ABCA5: variants seen among roughly 807,000 people sequenced by gnomAD.
ABCA5 encodes the protein ATP binding cassette subfamily A member 5.
Under a neutral mutation model 206.0 loss-of-function variants are expected in ABCA5, and 163 were observed. The ratio of observed to expected loss-of-function variants is 0.79; its 90% CI spans 0.70 to 0.90. The LOEUF (loss-of-function observed/expected upper bound fraction) is 0.90, where lower values mean the gene tolerates loss of function less well. ABCA5 is among the 40% of genes least tolerant of loss of function. The pLI, the probability that ABCA5 is intolerant of heterozygous loss-of-function variation, is 0.00. For missense variants in ABCA5, 1,859 were observed against 1,912.9 expected (o/e 0.97, Z 0.53); for synonymous variants, 609 against 613.8 (o/e 0.99, Z 0.11).
chr17:69,305,578 C>A (rs978739709), intron 6 of ABCA5, among the ~76,000 whole-genome samples: 1 of 152,158 alleles, frequency 6.6e-6, no homozygotes, highest in African/African-American at 2.4e-5. Context: ...ATTTTAAAAA[C>A]CAATCCTTTG....
intron 8 of ABCA5, among the ~76,000 whole-genome samples, chr17:69,301,603 T>C (rs1299134317): frequency 1.3e-5 from 2 of 152,076 alleles, no homozygotes; most frequent in African/African-American, 4.8e-5. Context: ...AACTGCAATA[T>C]TAATAATAAC....
intron 28 of ABCA5, among the ~76,000 whole-genome samples, 189 bp downstream of exon 28, chr17:69,259,515 CAG>C (rs2075121816): frequency 6.6e-6 from 1 of 151,886 alleles, no homozygotes; most frequent in South Asian, 2.1e-4. Context: ...GCAAATCTGA[CAG>C]AAACAGAAAG....
Position 69,291,227 on chromosome 17 carries a change from G to T in ABCA5, c.1595C>A (p.Pro532Gln). Residue 532 changes from proline (P) to glutamine (Q), a missense_variant, in exon 12 of 39, where the codon CCA becomes CAA. Transcript: ENST00000392676. ...TLMNILCGLC[P>Q]PSDGFASIYG... is the part of the protein sequence containing the mutation. ...GACAGAAAACTCACCATCAGAAGGT[G>T]GGCAGAGTCCACAAAGAATATTCAT... 6.3e-7 allele frequency: 1 copy of T among 1,591,496 alleles called. No individual in the cohort carries two copies. Among genetic ancestry groups the T allele is most frequent in the South Asian group, 1.2e-5 (1 of 86,568 alleles).
In ABCA5 at chr17:69,245,898, T is replaced by C. The variant is rs887535290; in HGVS notation, c.*1639A>G. Reference sequence around the variant, plus strand: ...GATGGTCAGGTTCTAAAAAAAACTATGCTTTTTCGTGACTGCCTTAGTAAA... The same window carrying C: ...GATGGTCAGGTTCTAAAAAAAACTACGCTTTTTCGTGACTGCCTTAGTAAA... On this transcript the variant is annotated 3_prime_UTR_variant, in exon 39 of 39. Transcript: ENST00000392676. 1.6e-4 allele frequency: 25 copies of C among 152,006 alleles called. No individual in the cohort carries two copies. Among genetic ancestry groups the C allele is most frequent in the African/African-American group, 6.0e-4 (25 of 41,448 alleles). 9.4% of individuals were successfully genotyped at this position (152,006 alleles called of 1,614,324 possible). A position where few individuals can be genotyped will look rare whatever the true frequency, so the allele number is the denominator to read the frequency against.
chr17:69,314,301 T>G lies in ABCA5; in HGVS notation c.102+13A>C, dbSNP rs757438486. ...AACTGCAAAAAAGCATAAGAAAGAGTTATTTAACTTACCTGAACACTACTC... is the reference window on the plus strand; with the variant it reads ...AACTGCAAAAAAGCATAAGAAAGAGGTATTTAACTTACCTGAACACTACTC... On this transcript the variant is annotated intron_variant, in intron 2 of 38. Coordinates refer to ENST00000392676, the MANE Select transcript of ABCA5 (RefSeq NM_172232.4). 1 of 1,552,876 alleles carries G rather than the reference T, an allele frequency of 6.4e-7. No homozygotes were observed. The highest frequency in any genetic ancestry group is 8.8e-7 in the Non-Finnish European group (1 of 1,130,718).
intron 1 of ABCA5, among the ~76,000 whole-genome samples, chr17:69,316,069 T>C (rs1304656303): frequency 1.3e-5 from 2 of 152,050 alleles, no homozygotes; most frequent in Non-Finnish European, 2.9e-5. Context: ...ATAAAACTCA[T>C]GGAGTGGCTC....
Position 69,246,619 on chromosome 17 carries a change from A to T in ABCA5, c.*918T>A, listed in dbSNP as rs1056697307. 1 of 151,984 alleles carries T rather than the reference A, an allele frequency of 6.6e-6. No individual in the cohort carries two copies. Among genetic ancestry groups the T allele is most frequent in the Non-Finnish European group, 1.5e-5 (1 of 67,826 alleles). 9.4% of individuals were successfully genotyped at this position (151,984 alleles called of 1,614,324 possible). A position where few individuals can be genotyped will look rare whatever the true frequency, so the allele number is the denominator to read the frequency against. The stretch of plus-strand genomic sequence containing the variant: ...TGATCTACTTACAATTTTATAGAAG[A>T]GATTCACTAAAGTTTACCAATAAAA... On this transcript the variant is annotated 3_prime_UTR_variant, in exon 39 of 39. Transcript: ENST00000392676.
In ABCA5 at chr17:69,259,690, T is replaced by TA. The variant is rs758672649; in HGVS notation, c.3731+15dup. 9 of 1,537,532 alleles carry TA rather than the reference T, an allele frequency of 5.9e-6. No individual in the cohort carries two copies. In the South Asian group the frequency reaches 8.0e-5, roughly 14 times the overall value. The stretch of plus-strand genomic sequence containing the variant: ...ATATACTAAAAACATTTAAAATTTT[T>TA]AAAAAATCAACTGACCTGAAAAAGG... On this transcript the variant is annotated intron_variant, in intron 28 of 38. Transcript: ENST00000392676.
chr17:69,309,254 C>T lies in ABCA5; in HGVS notation c.469+8G>A, dbSNP rs755916668. On this transcript the variant is annotated splice_region_variant and intron_variant, in intron 4 of 38. Coordinates refer to ENST00000392676, the MANE Select transcript of ABCA5 (RefSeq NM_172232.4). Reference sequence around the variant, plus strand: ...ATTGATCTTCAATGATTATGTAGGGCTATTTACCTCTTGAATCCATATAAA... The same window carrying T: ...ATTGATCTTCAATGATTATGTAGGGTTATTTACCTCTTGAATCCATATAAA... 1 of 1,547,916 alleles carries T rather than the reference C, an allele frequency of 6.5e-7. No homozygotes were observed. The highest frequency in any genetic ancestry group is 8.7e-7 in the Non-Finnish European group (1 of 1,153,580).
chr17:69,252,323 T>C (rs1001356177), intron 34 of ABCA5, among the ~76,000 whole-genome samples: 1 of 152,096 alleles, frequency 6.6e-6, no homozygotes, highest in African/African-American at 2.4e-5. Flanking sequence ...ATGACTTTTA[T>C]ATTCTAATTT....
chr17:69,314,397 C>A lies in ABCA5; in HGVS notation c.19G>T (p.Glu7Ter), dbSNP rs753819993. The A allele has an allele frequency of 6.2e-7, 1 of 1,612,392 alleles. No individual in the cohort carries two copies. Among genetic ancestry groups the A allele is most frequent in the Non-Finnish European group, 8.5e-7 (1 of 1,178,816 alleles). The change falls in exon 2 of 39, where the codon GAG becomes TAG. Residue 7 changes from glutamate to a stop codon, truncating the protein, a stop_gained. Transcript: ENST00000392676. LOFTEE classifies it high-confidence loss of function. MSTAIR[E>*]VGVWRQTRTL... is the part of the protein sequence containing the mutation. Reference sequence around the variant, plus strand: ...CTGGTCTGTCTCCAAACTCCTACCTCCCTAATTGCAGTGGACATGTTTTCT... The same window carrying A: ...CTGGTCTGTCTCCAAACTCCTACCTACCTAATTGCAGTGGACATGTTTTCT...
chr17:69,253,672 A>C lies in ABCA5; in HGVS notation c.4321-5T>G. On this transcript the variant is annotated splice_region_variant and splice_polypyrimidine_tract_variant and intron_variant, in intron 33 of 38. Transcript: ENST00000392676. ...CATACTTAGAGCAAAACACAACTACATGGAAAGAAAAAGATGGGTGGGAAA... is the reference window on the plus strand; with the variant it reads ...CATACTTAGAGCAAAACACAACTACCTGGAAAGAAAAAGATGGGTGGGAAA... 6.2e-7 allele frequency: 1 copy of C among 1,611,716 alleles called. No homozygotes were observed. Among genetic ancestry groups the C allele is most frequent in the Admixed American group, 1.7e-5 (1 of 60,002 alleles).
intron 21 of ABCA5, 112 bp from the exon 22 acceptor site, chr17:69,270,862 TCAA>T (rs1305985863): frequency 1.0e-6 from 1 of 992,252 alleles, no homozygotes; most frequent in Non-Finnish European, 1.4e-6. Context: ...AAAAACTGCT[TCAA>T]CAACTCACAG....
chr17:69,261,253 A>G lies in ABCA5; in HGVS notation c.3436T>C (p.Leu1146=), dbSNP rs1475415159. The G allele has an allele frequency of 1.3e-6, 2 of 1,589,250 alleles. No individual in the cohort carries two copies. Among genetic ancestry groups the G allele is most frequent in the Admixed American group, 3.6e-5 (2 of 55,380 alleles). Residue 1146 remains leucine, a synonymous_variant, in exon 26 of 39, where the codon TTG becomes CTG. Coordinates refer to ENST00000392676, the MANE Select transcript of ABCA5 (RefSeq NM_172232.4). ...FWSFIYSVAA[L]ACIAITEITF... ...ATTTCAGTGATTGCAATACAAGCCA[A>G]CGCTGCCTAAAGAAAAAAATAAATA...
In ABCA5 at chr17:69,274,839, C is replaced by CTTTTTTTTTTTTTTTTT. The variant is rs3052556; in HGVS notation, c.2595-728_2595-712dup. Among the ~76,000 whole-genome samples the CTTTTTTTTTTTTTTTTT allele has an allele frequency of 3.1e-4, 27 of 85,750 alleles. 3 individuals carry two copies. Among genetic ancestry groups the CTTTTTTTTTTTTTTTTT allele is most frequent in the African/African-American group, 7.0e-4 (16 of 22,740 alleles). The allele number at this position is 85,750 out of a possible 152,430, so 56.3% of individuals were successfully genotyped here. On this transcript the variant is annotated intron_variant, in intron 19 of 38. Coordinates refer to ENST00000392676, the MANE Select transcript of ABCA5 (RefSeq NM_172232.4). ...GTCCTGTCTCTATCTTAACCATTTA[C>CTTTTTTTTTTTTTTTTT]TTTTTTTTTTTTTTTTTTTTTTGAG...
In ABCA5 at chr17:69,261,785, T is replaced by C. The variant is rs368948610; in HGVS notation, c.3316-37A>G. On this transcript the variant is annotated intron_variant, in intron 24 of 38. Coordinates refer to ENST00000392676, the MANE Select transcript of ABCA5 (RefSeq NM_172232.4). ...AAATATGTTTCTATAAAAATATGAA[T>C]AGCTTGCAATACACATGACATGAAA... 8.4e-6 allele frequency: 7 copies of C among 830,836 alleles called. No individual in the cohort carries two copies. In the African/African-American group the frequency reaches 1.1e-4, roughly 13 times the overall value. 51.5% of individuals were successfully genotyped at this position (830,836 alleles called of 1,614,324 possible).
intron 11 of ABCA5, among the ~76,000 whole-genome samples, chr17:69,293,890 G>GTT (rs2075557592): frequency 7.1e-6 from 1 of 140,704 alleles, no homozygotes; most frequent in African/African-American, 2.5e-5. Context: ...GTGTGTTTGT[G>GTT]TGTGTGTGTA....
At position 69,326,252 on chromosome 17, in the gene ABCA5, T is replaced by C. The variant is rs549076809; in HGVS notation, c.-16+800A>G. 8.1e-4 allele frequency among the ~76,000 whole-genome samples: 124 copies of C among 152,322 alleles called. No individual in the cohort carries two copies. The highest frequency in any genetic ancestry group is 2.9e-3 in the African/African-American group (121 of 41,586). On this transcript the variant is annotated intron_variant, in intron 1 of 38. Transcript: ENST00000392676. The surrounding 1 kb of genome is among the most constrained non-coding windows in gnomAD (Gnocchi z 4.8). ...TTGCTGTCAGAATGAAAAGAGCTAA[T>C]ACCGAGCCTGGCTTAAAGCTGTAGT...
In ABCA5 at chr17:69,285,995, T is replaced by C. The variant is rs2075447528; in HGVS notation, c.2175A>G (p.Ser725=). The change falls in exon 17 of 39, where the codon TCA becomes TCG. Residue 725 remains serine (S), a synonymous_variant. Transcript: ENST00000392676. Reference sequence around the variant, plus strand: ...CTCCAGGTATATGTTGTTTAACCAGTGAAGAAAGAGATTCTGTGGCACAAT... The same window carrying C: ...CTCCAGGTATATGTTGTTTAACCAGCGAAGAAAGAGATTCTGTGGCACAAT... ...DKYCATESLS[S]LVKQHIPGAT... is the part of the protein sequence containing the mutation. 2 of 1,612,912 alleles carry C rather than the reference T, an allele frequency of 1.2e-6. No homozygotes were observed. Among genetic ancestry groups the C allele is most frequent in the Non-Finnish European group, 1.7e-6 (2 of 1,179,434 alleles).
Sources: allele counts gnomAD v4.1 joint callset (sites outside exome capture counted in the v4.1 genomes callset), GRCh38; gene constraint gnomAD v4.1.1; non-coding constraint Gnocchi (gnomAD v3.1); transcripts MANE v1.5; gene names NCBI Gene and HGNC (gene_info 2026-07-23, HGNC 2026-07-21).